The following SOX11 variants were observed in gnomAD, a reference collection of about 807,000 sequenced individuals.
The protein encoded by SOX11 is transcription factor SOX-11.
A neutral mutation model predicts 16.7 loss-of-function variants in SOX11; 5 were observed. The ratio of observed to expected loss-of-function variants is 0.30; its 90% CI spans 0.16 to 0.63. The LOEUF is 0.63. SOX11 is among the 20% of genes least tolerant of loss of function. The pLI is 0.82. For missense variants in SOX11, 492 were observed against 641.5 expected (o/e 0.77, Z 2.52); for synonymous variants, 363 against 298.8 (o/e 1.21, Z -2.22).
chr2:5,694,357 A>G lies in SOX11; in HGVS notation c.*310A>G. The G allele has an allele frequency of 1.1e-5, 4 of 376,218 alleles. No homozygotes were observed. The highest frequency in any genetic ancestry group is 2.0e-5 in the Non-Finnish European group (4 of 203,224). 23.3% of individuals were successfully genotyped at this position (376,218 alleles called of 1,614,324 possible). ...CGTGTCTCAAGGTAGTTGCATACCTAGTCTGGAGTTGTGATTATTTTCCCA... is the reference window on the plus strand; with the variant it reads ...CGTGTCTCAAGGTAGTTGCATACCTGGTCTGGAGTTGTGATTATTTTCCCA... On this transcript the variant is annotated 3_prime_UTR_variant, in exon 1 of 1. Transcript: ENST00000322002.
chr2:5,697,332 G>A lies in SOX11; in HGVS notation c.*3285G>A, dbSNP rs1665754437. ...CCTTCCATTTTTACTGAGATTTGGC[G>A]AGACCGAATGGAAGCGTCCGCACAG... On this transcript the variant is annotated 3_prime_UTR_variant, in exon 1 of 1. Coordinates refer to ENST00000322002, the MANE Select transcript of SOX11 (RefSeq NM_003108.4). The A allele has an allele frequency of 6.0e-6, 1 of 167,084 alleles. No individual in the cohort carries two copies. Among genetic ancestry groups the A allele is most frequent in the South Asian group, 2.1e-4 (1 of 4,830 alleles). 10.4% of individuals were successfully genotyped at this position (167,084 alleles called of 1,614,324 possible). A position where few individuals can be genotyped will look rare whatever the true frequency, so the allele number is the denominator to read the frequency against.
chr2:5,695,991 C>A lies in SOX11; in HGVS notation c.*1944C>A, dbSNP rs957048515. 1.8e-5 allele frequency: 3 copies of A among 166,762 alleles called. No individual in the cohort carries two copies. The highest frequency in any genetic ancestry group is 4.8e-5 in the African/African-American group (2 of 41,410). 10.3% of individuals were successfully genotyped at this position (166,762 alleles called of 1,614,324 possible). Reference sequence around the variant, plus strand: ...GGCCGGGGAGGGGCGGATGGAGGGGCCTGGGTTGCCAGCTCCCTTGGTCGG... The same window carrying A: ...GGCCGGGGAGGGGCGGATGGAGGGGACTGGGTTGCCAGCTCCCTTGGTCGG... On this transcript the variant is annotated 3_prime_UTR_variant, in exon 1 of 1. Coordinates refer to ENST00000322002, the MANE Select transcript of SOX11 (RefSeq NM_003108.4).
In SOX11 at chr2:5,693,402, C is replaced by A. The variant is rs761209390; in HGVS notation, c.681C>A (p.Asp227Glu). Residue 227 changes from aspartate to glutamate, a missense_variant, in exon 1 of 1, where the codon GAC becomes GAA. Around this residue, in one of 4 missense-constraint regions of SOX11, gnomAD observed 389 missense variants for 389.0 expected, o/e 1.00. Transcript: ENST00000322002. The surrounding 1 kb of genome is among the most constrained non-coding windows in gnomAD (Gnocchi z 8.6). Reference sequence around the variant, plus strand: ...GCGTGTTTCTGGATGAGGACGACGACGACGACGACGACGACGACGAGCTGC... The same window carrying A: ...GCGTGTTTCTGGATGAGGACGACGAAGACGACGACGACGACGACGAGCTGC... ...VKCVFLDEDD[D>E]DDDDDDELQL... The A allele has an allele frequency of 6.3e-7, 1 of 1,587,520 alleles. No homozygotes were observed. Among genetic ancestry groups the A allele is most frequent in the African/African-American group, 1.3e-5 (1 of 74,822 alleles).
chr2:5,696,796 C>G lies in SOX11; in HGVS notation c.*2749C>G, dbSNP rs2103279402. 1.3e-5 allele frequency: 2 copies of G among 153,552 alleles called. No homozygotes were observed. Among genetic ancestry groups the G allele is most frequent in the Middle Eastern group, 6.9e-3 (2 of 290 alleles). The allele number at this position is 153,552 out of a possible 1,614,324, so 9.5% of individuals were successfully genotyped here. A position where few individuals can be genotyped will look rare whatever the true frequency, so the allele number is the denominator to read the frequency against. On this transcript the variant is annotated 3_prime_UTR_variant, in exon 1 of 1. Transcript: ENST00000322002. ...GGAGCAGGCGGCTGCCGCACCCGCG[C>G]ACCCCGGGCCCTCACCACGCCCTCC...
At position 5,693,469 on chromosome 2, in the gene SOX11, C is replaced by A. The variant is rs1355135739; in HGVS notation, c.748C>A (p.Pro250Thr). 2 of 1,588,144 alleles carry A rather than the reference C, an allele frequency of 1.3e-6. No homozygotes were observed. Among genetic ancestry groups the A allele is most frequent in the Admixed American group, 1.7e-5 (1 of 58,342 alleles). Reference sequence around the variant, plus strand: ...GGAGCCGGACGAGGAGGACGAGGAACCACCGCACCAGCAGCTCCTGCAGCC... The same window carrying A: ...GGAGCCGGACGAGGAGGACGAGGAAACACCGCACCAGCAGCTCCTGCAGCC... Reference protein sequence around the residue: ...KQEPDEEDEEPPHQQLLQPPG... With the variant: ...KQEPDEEDEETPHQQLLQPPG... Residue 250 changes from proline (P) to threonine (T), a missense_variant, in exon 1 of 1, where the codon CCA (proline) becomes ACA (threonine). Physicochemically the swap from Pro to Thr is conservative, Grantham distance 38. Transcript: ENST00000322002. This position sits in a 1 kb window ranked among gnomAD's most constrained non-coding sequence, Gnocchi z 8.6.
rs1665715568 is a variant in SOX11 at position 5,695,661 on chromosome 2, A to G, written c.*1614A>G. 6.2e-6 allele frequency: 1 copy of G among 161,838 alleles called. No homozygotes were observed. Among genetic ancestry groups the G allele is most frequent in the African/African-American group, 2.5e-5 (1 of 39,500 alleles). 10.0% of individuals were successfully genotyped at this position (161,838 alleles called of 1,614,324 possible). ...GAAACTCGCATCGCCAATAGTCTCTATGGAAGTCAAACTGGAGGTCCTGTT... is the reference window on the plus strand; with the variant it reads ...GAAACTCGCATCGCCAATAGTCTCTGTGGAAGTCAAACTGGAGGTCCTGTT... On this transcript the variant is annotated 3_prime_UTR_variant, in exon 1 of 1. Coordinates refer to ENST00000322002, the MANE Select transcript of SOX11 (RefSeq NM_003108.4).
chr2:5,696,500 G>T lies in SOX11; in HGVS notation c.*2453G>T. On this transcript the variant is annotated 3_prime_UTR_variant, in exon 1 of 1. Coordinates refer to ENST00000322002, the MANE Select transcript of SOX11 (RefSeq NM_003108.4). ...CTGTGCGATCCGAGTCGCGGTCTCC[G>T]GGGTGCCTGGGAGGGCCGAACCACT... 1 of 155,454 alleles carries T rather than the reference G, an allele frequency of 6.4e-6. No individual in the cohort carries two copies. 9.6% of individuals were successfully genotyped at this position (155,454 alleles called of 1,614,324 possible). A position where few individuals can be genotyped will look rare whatever the true frequency, so the allele number is the denominator to read the frequency against.
Position 5,692,940 on chromosome 2 carries a change from C to A in SOX11, c.219C>A (p.Asp73Glu). ...ERRKIMEQSP[D>E]MHNAEISKRL... The stretch of plus-strand genomic sequence containing the variant: ...GGAAGATCATGGAGCAGTCTCCGGA[C>A]ATGCACAACGCCGAGATCTCCAAGA... Residue 73 changes from aspartate to glutamate, a missense_variant, in exon 1 of 1, where the codon GAC becomes GAA. By Grantham distance (45) the Asp-to-Glu change is conservative. Around this residue, in one of 4 missense-constraint regions of SOX11, gnomAD observed 28 missense variants for 125.6 expected, o/e 0.22. Transcript: ENST00000322002. 1 of 1,612,722 alleles carries A rather than the reference C, an allele frequency of 6.2e-7. No individual in the cohort carries two copies. The highest frequency in any genetic ancestry group is 8.5e-7 in the Non-Finnish European group (1 of 1,179,510).
Position 5,693,741 on chromosome 2 carries a change from C to G in SOX11, c.1020C>G (p.Ser340=), listed in dbSNP as rs2103277104. 6.3e-7 allele frequency: 1 copy of G among 1,592,796 alleles called. No individual in the cohort carries two copies. Among genetic ancestry groups the G allele is most frequent in the East Asian group, 2.3e-5 (1 of 44,122 alleles). ...CGCCCGCGTCCTCGCGCTCGGTGTC[C>G]ACCTCCTCGTCCAGCAGCAGCGGCA... ...ALSPASSRSV[S]TSSSSSSGSS... is the part of the protein sequence containing the mutation. Residue 340 remains serine, a synonymous_variant, in exon 1 of 1, where the codon TCC becomes TCG. Transcript: ENST00000322002. This position sits in a 1 kb window ranked among gnomAD's most constrained non-coding sequence, Gnocchi z 8.6.
chr2:5,693,687 C>T lies in SOX11; in HGVS notation c.966C>T (p.His322=). 1.3e-6 allele frequency: 2 copies of T among 1,599,232 alleles called. No individual in the cohort carries two copies. The highest frequency in any genetic ancestry group is 1.7e-6 in the Non-Finnish European group (2 of 1,177,792). The part of the protein sequence containing the change: ...YYSFKNITKQ[H]PPPLAQPALS... ...GCTTCAAGAACATCACCAAGCAGCA[C>T]CCGCCGCCGCTCGCGCAGCCCGCGC... Residue 322 remains histidine, a synonymous_variant, in exon 1 of 1, where the codon CAC becomes CAT. Transcript: ENST00000322002. The surrounding 1 kb of genome is among the most constrained non-coding windows in gnomAD (Gnocchi z 8.6).
In SOX11 at chr2:5,693,183, G is replaced by C; in HGVS notation, c.462G>C (p.Ala154=). Residue 154 remains alanine, a synonymous_variant, in exon 1 of 1, where the codon GCG becomes GCC. Transcript: ENST00000322002. This position sits in a 1 kb window ranked among gnomAD's most constrained non-coding sequence, Gnocchi z 8.6. ...GGGGGSAGGG[A]GGAKTSKGSS... ...GCGGCGGGAGCGCGGGCGGAGGCGC[G>C]GGCGGTGCCAAGACCTCCAAGGGCT... 2 of 1,549,994 alleles carry C rather than the reference G, an allele frequency of 1.3e-6. No individual in the cohort carries two copies. The highest frequency in any genetic ancestry group is 1.7e-6 in the Non-Finnish European group (2 of 1,151,136).
Position 5,693,123 on chromosome 2 carries a change from C to T in SOX11, c.402C>T (p.Ala134=), listed in dbSNP as rs1287543368. 1 of 1,611,882 alleles carries T rather than the reference C, an allele frequency of 6.2e-7. No individual in the cohort carries two copies. Among genetic ancestry groups the T allele is most frequent in the South Asian group, 1.1e-5 (1 of 91,008 alleles). The change falls in exon 1 of 1, where the codon GCC becomes GCT. Residue 134 remains alanine, a synonymous_variant. Coordinates refer to ENST00000322002, the MANE Select transcript of SOX11 (RefSeq NM_003108.4). The surrounding 1 kb of genome is among the most constrained non-coding windows in gnomAD (Gnocchi z 8.6). Reference sequence around the variant, plus strand: ...TGGACCCCTCGGCCAAGCCCAGCGCCAGCCAGAGCCCAGAGAAGAGCGCGG... The same window carrying T: ...TGGACCCCTCGGCCAAGCCCAGCGCTAGCCAGAGCCCAGAGAAGAGCGCGG... ...PKMDPSAKPS[A]SQSPEKSAAG...
At position 5,692,958 on chromosome 2, in the gene SOX11, C is replaced by T; in HGVS notation, c.237C>T (p.Ile79=). 1.9e-6 allele frequency: 3 copies of T among 1,614,146 alleles called. No individual in the cohort carries two copies. The highest frequency in any genetic ancestry group is 1.3e-5 in the African/African-American group (1 of 75,050). The change falls in exon 1 of 1, where the codon ATC becomes ATT. Residue 79 remains isoleucine, a synonymous_variant. Coordinates refer to ENST00000322002, the MANE Select transcript of SOX11 (RefSeq NM_003108.4). The stretch of plus-strand genomic sequence containing the variant: ...CTCCGGACATGCACAACGCCGAGAT[C>T]TCCAAGAGGCTGGGCAAGCGCTGGA... The part of the protein sequence containing the change: ...EQSPDMHNAE[I]SKRLGKRWKM...
rs975585334 is a variant in SOX11, at chr2:5,695,634, T to C, written c.*1587T>C. The C allele has an allele frequency of 1.2e-5, 2 of 161,282 alleles. No individual in the cohort carries two copies. Among genetic ancestry groups the C allele is most frequent in the African/African-American group, 5.1e-5 (2 of 39,336 alleles). The allele number at this position is 161,282 out of a possible 1,614,324, so 10.0% of individuals were successfully genotyped here. A position where few individuals can be genotyped will look rare whatever the true frequency, so the allele number is the denominator to read the frequency against. On this transcript the variant is annotated 3_prime_UTR_variant, in exon 1 of 1. Coordinates refer to ENST00000322002, the MANE Select transcript of SOX11 (RefSeq NM_003108.4). ...ATTTTAATAAATCAGCTGGAACTGA[T>C]AGAAACTCGCATCGCCAATAGTCTC...
In SOX11 at chr2:5,700,420, C is replaced by CA. The variant is rs201271298; in HGVS notation, c.*6387dup. ...CTTAGACACGTTACATTTCCCCTTC[C>CA]AAAAAAAAAAAAAAGGACAACTGGA... On this transcript the variant is annotated 3_prime_UTR_variant, in exon 1 of 1. Transcript: ENST00000322002. 34,648 of 134,948 alleles carry CA rather than the reference C, an allele frequency of 0.26. 3,650 individuals carry two copies. The highest frequency in any genetic ancestry group is 0.38 in the East Asian group (1,685 of 4,480). 8.4% of individuals were successfully genotyped at this position (134,948 alleles called of 1,614,324 possible).
chr2:5,692,647 G>T lies in SOX11; in HGVS notation c.-75G>T. 7.8e-7 allele frequency: 1 copy of T among 1,284,170 alleles called. No individual in the cohort carries two copies. The allele number at this position is 1,284,170 out of a possible 1,614,324, so 79.5% of individuals were successfully genotyped here. On this transcript the variant is annotated 5_prime_UTR_variant, in exon 1 of 1. It adds an upstream start codon to the 5' untranslated region. Coordinates refer to ENST00000322002, the MANE Select transcript of SOX11 (RefSeq NM_003108.4). Reference sequence around the variant, plus strand: ...TTTGCAACTTGCCCAGGAAGGTGGAGGGGTGGGAGGGGGAGGGGGACCTCC... The same window carrying T: ...TTTGCAACTTGCCCAGGAAGGTGGATGGGTGGGAGGGGGAGGGGGACCTCC...
At position 5,698,635 on chromosome 2, in the gene SOX11, A is replaced by G. The variant is rs540327297; in HGVS notation, c.*4588A>G. On this transcript the variant is annotated 3_prime_UTR_variant, in exon 1 of 1. Coordinates refer to ENST00000322002, the MANE Select transcript of SOX11 (RefSeq NM_003108.4). ...GTGTATGTTATGAATGACTACAGAC[A>G]CTGGGCAAATTATTTGTAGAATGAT... 7.2e-4 allele frequency: 120 copies of G among 167,096 alleles called. No individual in the cohort carries two copies. The highest frequency in any genetic ancestry group is 1.5e-3 in the Non-Finnish European group (99 of 68,122). The allele number at this position is 167,096 out of a possible 1,614,324, so 10.4% of individuals were successfully genotyped here. A position where few individuals can be genotyped will look rare whatever the true frequency, so the allele number is the denominator to read the frequency against.
In SOX11 at chr2:5,693,188, G is replaced by A; in HGVS notation, c.467G>A (p.Gly156Asp). Residue 156 changes from glycine to aspartate, a missense_variant, in exon 1 of 1, where the codon GGT becomes GAT. By Grantham distance (94) the Gly-to-Asp change is moderately conservative. Transcript: ENST00000322002. This position sits in a 1 kb window ranked among gnomAD's most constrained non-coding sequence, Gnocchi z 8.6. ...GGGAGCGCGGGCGGAGGCGCGGGCG[G>A]TGCCAAGACCTCCAAGGGCTCCAGC... ...GGGSAGGGAG[G>D]AKTSKGSSKK... 1 of 1,542,940 alleles carries A rather than the reference G, an allele frequency of 6.5e-7. No individual in the cohort carries two copies.
rs2103277725 is a variant in SOX11 at position 5,694,551 on chromosome 2, GCACAA to G, written c.*506_*510del. On this transcript the variant is annotated 3_prime_UTR_variant, in exon 1 of 1. Transcript: ENST00000322002. Reference sequence around the variant, plus strand: ...ACGTCTGCAGAGGACCCTTTTGGCAGCACAACTGTTACTCTAGGGAGTTGGTGGAG... The same window carrying G: ...ACGTCTGCAGAGGACCCTTTTGGCAGCTGTTACTCTAGGGAGTTGGTGGAG... The G allele has an allele frequency of 4.1e-6, 1 of 246,000 alleles. No individual in the cohort carries two copies. Among genetic ancestry groups the G allele is most frequent in the Admixed American group, 5.7e-5 (1 of 17,574 alleles). The allele number at this position is 246,000 out of a possible 1,614,324, so 15.2% of individuals were successfully genotyped here.
Sources: gnomAD v4.1 joint callset for allele counts on GRCh38, gnomAD v4.1.1 for gene constraint, gnomAD v4.1.1 regional missense constraint, Gnocchi (gnomAD v3.1) non-coding constraint, MANE v1.5 for transcripts, NCBI Gene and HGNC (gene_info 2026-07-23, HGNC 2026-07-21) for gene names.